ULK4: variants seen among roughly 807,000 people sequenced by gnomAD.
ULK4 encodes inactive serine/threonine-protein kinase ULK4.
In ULK4, 133 loss-of-function variants were observed where a neutral mutation model predicts 160.6. That is an observed-to-expected ratio of 0.83 (90% CI 0.72 to 0.96). The LOEUF (loss-of-function observed/expected upper bound fraction) is 0.96, where lower values mean the gene tolerates loss of function less well. Among genes scored for constraint, ULK4 ranks in the 40% least tolerant of loss-of-function variants. The pLI, the probability that ULK4 is intolerant of heterozygous loss-of-function variation, is 0.00. For synonymous variants in ULK4, 534 were observed against 539.8 expected, an observed-to-expected ratio of 0.99 and a Z score of 0.15; for missense variants, 1,580 against 1,499.5, an observed-to-expected ratio of 1.05 and a Z score of -0.89.
At chr3:41,930,165 G>T (rs1047508925) in intron 5 of ULK4, among the ~76,000 whole-genome samples, 2 of 151,860 alleles carry the variant, frequency 1.3e-5, no homozygotes, top group South Asian at 4.2e-4. Context: ...ACAGCACACA[G>T]ACCTCGGAAT....
chr3:41,858,509 ATTTTTT>A (rs552326948), intron 17 of ULK4, among the ~76,000 whole-genome samples: 9 of 124,508 alleles, frequency 7.2e-5, no homozygotes, highest in African/African-American at 2.5e-4. Context: ...AAATTTTTCA[ATTTTTT>A]TTTTTTTTTT....
At position 41,330,236 on chromosome 3, in the gene ULK4, C is replaced by G. The variant is rs1358678644; in HGVS notation, c.3678+67843G>C. Among the ~76,000 whole-genome samples the G allele has an allele frequency of 5.3e-5, 8 of 152,286 alleles. No homozygotes were observed. The Middle Eastern group carries it at 0.01, about 194-fold the overall frequency. On this transcript the variant is annotated intron_variant, in intron 35 of 36. Coordinates refer to ENST00000301831, the MANE Select transcript of ULK4 (RefSeq NM_017886.4). Reference sequence around the variant, plus strand: ...TCAACCAGCTTCTATTCGCTTGCCTCCTCTCCCAAGCTTCTGGAGTCTCAA... The same window carrying G: ...TCAACCAGCTTCTATTCGCTTGCCTGCTCTCCCAAGCTTCTGGAGTCTCAA...
At chr3:41,843,931 T>C (rs761741081) in intron 17 of ULK4, among the ~76,000 whole-genome samples, 3 of 151,796 alleles carry the variant, frequency 2.0e-5, no homozygotes, top group Non-Finnish European at 4.4e-5. Context: ...AGATACAGAG[T>C]GTCTGCACAA....
At chr3:41,525,864 C>T (rs1286593784) in intron 32 of ULK4, among the ~76,000 whole-genome samples, 2 of 152,194 alleles carry the variant, frequency 1.3e-5, no homozygotes, top group Non-Finnish European at 2.9e-5. Context: ...ACATCTCCGT[C>T]ATTGTCTCTA....
chr3:41,440,862 G>C (rs772843250), intron 34 of ULK4, among the ~76,000 whole-genome samples: 11 of 152,026 alleles, frequency 7.2e-5, no homozygotes, highest in Non-Finnish European at 1.2e-4. Flanking sequence ...TCTTGAGTGA[G>C]TTTAATAGTT....
At chr3:41,579,995 C>A (rs950478743) in intron 31 of ULK4, among the ~76,000 whole-genome samples, 2 of 152,270 alleles carry the variant, frequency 1.3e-5, no homozygotes, top group Middle Eastern at 3.4e-3. Context: ...ACTCATGGAG[C>A]ACACGTGTGA....
chr3:41,648,873 C>G (rs537472072), intron 30 of ULK4, among the ~76,000 whole-genome samples: 1 of 152,110 alleles, frequency 6.6e-6, no homozygotes, highest in Non-Finnish European at 1.5e-5. Flanking sequence ...GTGGCTCACA[C>G]CTATAATCCC....
At chr3:41,557,686 A>G (rs1691995) in intron 32 of ULK4, among the ~76,000 whole-genome samples, 74,780 of 151,686 alleles carry the variant, frequency 0.49, 18,703 homozygotes, top group Middle Eastern at 0.59. Flanking sequence ...GATCACTTAA[A>G]GCCAGGAATT....
chr3:41,949,968 T>C (rs1282242859), intron 2 of ULK4, among the ~76,000 whole-genome samples: 1 of 151,240 alleles, frequency 6.6e-6, no homozygotes, highest in Admixed American at 6.6e-5. Context: ...ACTTCTGGGC[T>C]CAAGTGATCT....
chr3:41,378,426 T>C (rs1419123072), intron 35 of ULK4, among the ~76,000 whole-genome samples: 2 of 151,414 alleles, frequency 1.3e-5, no homozygotes, highest in Admixed American at 1.3e-4. Context: ...GGCACTTACA[T>C]ATACACCATG....
intron 31 of ULK4, among the ~76,000 whole-genome samples, chr3:41,609,213 C>T (rs2032543721): frequency 6.6e-6 from 1 of 151,954 alleles, no homozygotes; most frequent in Non-Finnish European, 1.5e-5. Flanking sequence ...GCTGATTATG[C>T]AGAAATTAGT....
intron 19 of ULK4, among the ~76,000 whole-genome samples, chr3:41,810,272 C>T (rs1271202251): frequency 6.6e-6 from 1 of 152,098 alleles, no homozygotes; most frequent in African/African-American, 2.4e-5. Context: ...AGGCTATGAA[C>T]TTTCCTTTCA....
intron 32 of ULK4, among the ~76,000 whole-genome samples, chr3:41,544,747 A>G (rs1324978118): frequency 9.2e-5 from 14 of 152,142 alleles, no homozygotes; most frequent in Admixed American, 8.5e-4. Context: ...ATGACCTATG[A>G]GTAGGGTTTT....
intron 1 of ULK4, 86 bp downstream of exon 1, chr3:41,961,930 C>T (rs888534033): frequency 2.0e-5 from 3 of 152,602 alleles, no homozygotes; most frequent in Admixed American, 1.3e-4. Context: ...ACCCACCCGC[C>T]CCGGCAGGCC....
intron 32 of ULK4, among the ~76,000 whole-genome samples, chr3:41,496,779 T>C (rs1325461585): frequency 6.6e-6 from 1 of 151,914 alleles, no homozygotes; most frequent in East Asian, 1.9e-4. Context: ...AGAGAAAAGA[T>C]CTCCCTAACT....
chr3:41,333,487 A>G (rs2080489830), intron 35 of ULK4, among the ~76,000 whole-genome samples: 3 of 152,050 alleles, frequency 2.0e-5, no homozygotes, highest in African/African-American at 7.2e-5. Flanking sequence ...AAATCAGCGG[A>G]TGTTTCTCAC....
intron 22 of ULK4, among the ~76,000 whole-genome samples, chr3:41,752,969 T>C (rs1368598527): frequency 6.6e-6 from 1 of 152,176 alleles, no homozygotes; most frequent in African/African-American, 2.4e-5. Context: ...TCCTAGCACT[T>C]TGGGAAGCTG....
chr3:41,859,826 T>A (rs978735813), intron 17 of ULK4, among the ~76,000 whole-genome samples: 6 of 79,492 alleles, frequency 7.5e-5, no homozygotes, highest in Middle Eastern at 7.4e-3. Context: ...CCTGGCTAAT[T>A]TTTTTTTTTT....
intron 31 of ULK4, among the ~76,000 whole-genome samples, chr3:41,602,899 T>C (rs1287769358): frequency 6.6e-6 from 1 of 151,922 alleles, no homozygotes; most frequent in Non-Finnish European, 1.5e-5. Flanking sequence ...TAAAAAACGT[T>C]CATGTAATCT....
Sources: allele counts gnomAD v4.1 joint callset (sites outside exome capture counted in the v4.1 genomes callset), GRCh38; gene constraint gnomAD v4.1.1; transcripts MANE v1.5; gene names NCBI Gene and HGNC (gene_info 2026-07-23, HGNC 2026-07-21).